The following EIF4E variants were observed in gnomAD, a reference collection of about 807,000 sequenced individuals.
EIF4E encodes the protein eIF-4F 25 kDa subunit.
For synonymous variants in EIF4E, 71 were observed against 88.5 expected (o/e 0.80, Z 1.11); for missense variants, 113 against 265.6 (o/e 0.43, Z 3.99).
rs1461071455 is a variant in EIF4E, at chr4:98,887,987, A to G, written c.222-35T>C. On this transcript the variant is annotated intron_variant, in intron 3 of 6. Coordinates refer to ENST00000450253, the MANE Select transcript of EIF4E (RefSeq NM_001968.5). The surrounding 1 kb of genome is among the most constrained non-coding windows in gnomAD (Gnocchi z 4.0). ...AGAAAATAACAATTAAAAACACAGA[A>G]TATGTAATATAGAGTTTAGGTGCTT... 6.5e-7 allele frequency: 1 copy of G among 1,545,320 alleles called. No homozygotes were observed.
rs185846629 is a variant in EIF4E at position 98,896,111 on chromosome 4, G to A, written c.126-4779C>T. Among the ~76,000 whole-genome samples, 529 of 152,114 alleles carry A rather than the reference G, an allele frequency of 3.5e-3. 33 individuals are homozygous for A. The East Asian group carries it at 0.098, about 28-fold the overall frequency. On this transcript the variant is annotated intron_variant, in intron 2 of 6. Coordinates refer to ENST00000450253, the MANE Select transcript of EIF4E (RefSeq NM_001968.5). ...CTCAGGAGGCTGAGGCAGGAGAATC[G>A]CTTGAACCTGGGAGGCGGAGGTTGC...
intron 1 of EIF4E, among the ~76,000 whole-genome samples, chr4:98,927,946 A>G (rs1209695303): frequency 1.3e-5 from 2 of 152,226 alleles, no homozygotes; most frequent in African/African-American, 4.8e-5. Flanking sequence ...CTCTGCTTAA[A>G]GATTAACTAC....
rs531350186 is a variant in EIF4E at position 98,929,095 on chromosome 4, C to T, written c.18G>A (p.Pro6=). The T allele has an allele frequency of 6.3e-7, 1 of 1,581,570 alleles. No homozygotes were observed. The highest frequency in any genetic ancestry group is 8.6e-7 in the Non-Finnish European group (1 of 1,163,604). The part of the protein sequence containing the change: MATVE[P]ETTPTPNPPT... ...GGTGGGGGCCAAAGGCAATACTCAC[C>T]GGTTCGACAGTCGCCATCTTAGATC... The change falls in exon 1 of 7, where the codon CCG becomes CCA. Residue 6 remains proline, a splice_region_variant and synonymous_variant. Coordinates refer to ENST00000450253, the MANE Select transcript of EIF4E (RefSeq NM_001968.5).
At chr4:98,904,812 A>G (rs1198482165) in intron 1 of EIF4E, among the ~76,000 whole-genome samples, 1 of 152,138 alleles carries the variant, frequency 6.6e-6, no homozygotes, top group Non-Finnish European at 1.5e-5. Flanking sequence ...GTACTTTTCC[A>G]ACAACTTAAA....
intron 2 of EIF4E, among the ~76,000 whole-genome samples, chr4:98,898,466 GGCATGGTGGCACACA>G (rs1178668738): frequency 6.6e-6 from 1 of 151,880 alleles, no homozygotes; most frequent in African/African-American, 2.4e-5. Flanking sequence ...AAATTAGCCG[GGCATGGTGGCACACA>G]CCTGTGGTTC....
chr4:98,899,016 G>A (rs1418564071), intron 2 of EIF4E, among the ~76,000 whole-genome samples: 3 of 150,508 alleles, frequency 2.0e-5, no homozygotes, highest in African/African-American at 7.3e-5. Context: ...AACCACTGAG[G>A]AAAAGCAGTA....
Position 98,879,687 on chromosome 4 carries a change from CAT to C in EIF4E, c.*1339_*1340del, listed in dbSNP as rs1723593590. 6.6e-6 allele frequency: 1 copy of C among 152,128 alleles called. No individual in the cohort carries two copies. Among genetic ancestry groups the C allele is most frequent in the Admixed American group, 6.5e-5 (1 of 15,272 alleles). The allele number at this position is 152,128 out of a possible 1,614,324, so 9.4% of individuals were successfully genotyped here. A position where few individuals can be genotyped will look rare whatever the true frequency, so the allele number is the denominator to read the frequency against. On this transcript the variant is annotated 3_prime_UTR_variant, in exon 7 of 7. Transcript: ENST00000450253. ...CCTACACTATCATTTTGACACTTAA[CAT>C]AGAAACAACTCAATTCAGCAACCAA...
chr4:98,920,317 T>C (rs578188893), intron 1 of EIF4E, among the ~76,000 whole-genome samples: 1 of 152,244 alleles, frequency 6.6e-6, no homozygotes, highest in Non-Finnish European at 1.5e-5. Context: ...TTTTTTTTTT[T>C]TGAGACGGAG....
At chr4:98,903,228 T>C (rs1305099558) in intron 1 of EIF4E, among the ~76,000 whole-genome samples, 1 of 152,150 alleles carries the variant, frequency 6.6e-6, no homozygotes, top group Non-Finnish European at 1.5e-5. Context: ...ATGCAACAAG[T>C]GTTTGGATAT....
At chr4:98,886,402 A>G in intron 5 of EIF4E, 2 of 415,916 alleles carry the variant, frequency 4.8e-6, no homozygotes, top group Middle Eastern at 8.1e-4. Context: ...CAATTTTATT[A>G]TTTGCTTCAC....
Position 98,880,900 on chromosome 4 carries a change from T to C in EIF4E, c.*128A>G. ...AGGCGAATGAGACTTCTCTTATATC[T>C]GAGTAACATTAAGATGGAAATCAAA... is the stretch of plus-strand genomic sequence containing the variant. On this transcript the variant is annotated 3_prime_UTR_variant, in exon 7 of 7. Transcript: ENST00000450253. 1 of 1,495,240 alleles carries C rather than the reference T, an allele frequency of 6.7e-7. No homozygotes were observed. Among genetic ancestry groups the C allele is most frequent in the Non-Finnish European group, 9.0e-7 (1 of 1,112,938 alleles). 92.6% of individuals were successfully genotyped at this position (1,495,240 alleles called of 1,614,324 possible). A position where few individuals can be genotyped will look rare whatever the true frequency, so the allele number is the denominator to read the frequency against.
chr4:98,884,291 A>C (rs1258925232), intron 6 of EIF4E, among the ~76,000 whole-genome samples: 1 of 152,184 alleles, frequency 6.6e-6, no homozygotes, highest in Non-Finnish European at 1.5e-5. Context: ...GCACTTTCAA[A>C]GTAGGAAATA....
chr4:98,927,167 C>T (rs1310367074), intron 1 of EIF4E, among the ~76,000 whole-genome samples: 2 of 151,960 alleles, frequency 1.3e-5, no homozygotes, highest in Non-Finnish European at 2.9e-5. Context: ...AGTCAGTTAA[C>T]TGTAGCAACA....
Position 98,880,960 on chromosome 4 carries a change from T to C in EIF4E, c.*68A>G. Reference sequence around the variant, plus strand: ...AGTCCACTCTGCTTTTTGAAGAGGCTTTGGTTCAGCTCCCAAATCTCGATT... The same window carrying C: ...AGTCCACTCTGCTTTTTGAAGAGGCCTTGGTTCAGCTCCCAAATCTCGATT... On this transcript the variant is annotated 3_prime_UTR_variant, in exon 7 of 7. Transcript: ENST00000450253. 6.5e-7 allele frequency: 1 copy of C among 1,547,864 alleles called. No homozygotes were observed. The highest frequency in any genetic ancestry group is 8.7e-7 in the Non-Finnish European group (1 of 1,145,704).
intron 5 of EIF4E, chr4:98,886,206 TA>T (rs1243935347): frequency 5.5e-6 from 1 of 182,876 alleles, no homozygotes; most frequent in Non-Finnish European, 1.2e-5. Flanking sequence ...TAACAAGTGC[TA>T]ACTATAAACC....
At chr4:98,891,193 C>T (rs1307101957) in intron 3 of EIF4E, 44 bp downstream of exon 3, 14 of 1,598,102 alleles carry the variant, frequency 8.8e-6, no homozygotes, top group East Asian at 2.2e-5. Context: ...AAAAACTACA[C>T]AACGAATAAA....
chr4:98,896,485 T>TC (rs1421496953), intron 2 of EIF4E, among the ~76,000 whole-genome samples: 1 of 26,064 alleles, frequency 3.8e-5, no homozygotes, highest in Non-Finnish European at 6.4e-5. Context: ...CCCGCATCTC[T>TC]CAAAAAAAAA....
chr4:98,902,037 G>A (rs1209934871), intron 1 of EIF4E, 55 bp from the exon 2 acceptor site: 23 of 1,487,230 alleles, frequency 1.5e-5, no homozygotes, highest in Non-Finnish European at 2.1e-5. Context: ...ATCTATGACA[G>A]CAATATTCTA....
intron 3 of EIF4E, among the ~76,000 whole-genome samples, chr4:98,889,584 A>G (rs1724066802): frequency 6.6e-6 from 1 of 152,232 alleles, no homozygotes; most frequent in African/African-American, 2.4e-5. Flanking sequence ...ATTTGCTAGA[A>G]AAAAACAGAA....
Sources: allele counts gnomAD v4.1 joint callset (sites outside exome capture counted in the v4.1 genomes callset), GRCh38; gene constraint gnomAD v4.1.1; non-coding constraint Gnocchi (gnomAD v3.1); transcripts MANE v1.5; gene names NCBI Gene and HGNC (gene_info 2026-07-23, HGNC 2026-07-21).